ADAMTSL1: variants seen among roughly 807,000 people sequenced by gnomAD.
ADAMTSL1 encodes ADAMTS like 1, also known as ADAMTS-like protein 1.
Under a neutral mutation model 201.8 loss-of-function variants are expected in ADAMTSL1, and 126 were observed. The observed-to-expected ratio is 0.62, with a 90% CI of 0.54 to 0.72. The LOEUF (loss-of-function observed/expected upper bound fraction) is 0.72. Ranked by LOEUF, ADAMTSL1 falls within the 30% of genes least tolerant of loss-of-function variation. ADAMTSL1 has a pLI of 0.00. For synonymous variants in ADAMTSL1, 1,121 were observed against 903.4 expected (o/e 1.24, Z -4.32); for missense variants, 2,679 against 2,277.8 (o/e 1.18, Z -3.59).
At chr9:18,735,942 C>T (rs1482985920) in intron 15 of ADAMTSL1, among the ~76,000 whole-genome samples, 1 of 151,526 alleles carries the variant, frequency 6.6e-6, no homozygotes, top group Non-Finnish European at 1.5e-5. Flanking sequence ...CCCCCCACCT[C>T]CTTCTACCAT....
intron 1 of ADAMTSL1, among the ~76,000 whole-genome samples, chr9:18,149,755 A>G (rs749538995): frequency 2.0e-5 from 3 of 152,062 alleles, no homozygotes; most frequent in Non-Finnish European, 4.4e-5. Context: ...TGAAGAAAGG[A>G]TAAGATTAGA....
intron 2 of ADAMTSL1, among the ~76,000 whole-genome samples, chr9:18,268,658 G>A (rs1254315173): frequency 6.6e-6 from 1 of 152,132 alleles, no homozygotes; most frequent in Non-Finnish European, 1.5e-5. Flanking sequence ...GGGCAGTAGA[G>A]TCCTCTCTAA....
At chr9:18,446,027 C>T (rs1046039820) in intron 2 of ADAMTSL1, among the ~76,000 whole-genome samples, 3 of 152,046 alleles carry the variant, frequency 2.0e-5, no homozygotes, top group African/African-American at 7.2e-5. Context: ...ACAATATAAC[C>T]AGGAAGCGAT....
intron 16 of ADAMTSL1, among the ~76,000 whole-genome samples, chr9:18,765,758 G>A (rs770953702): frequency 6.6e-6 from 1 of 152,186 alleles, no homozygotes; most frequent in Non-Finnish European, 1.5e-5. Flanking sequence ...AGCAACAACA[G>A]AAGCAAAATC....
chr9:18,838,736 G>A (rs1825499895), intron 23 of ADAMTSL1, among the ~76,000 whole-genome samples: 1 of 151,900 alleles, frequency 6.6e-6, no homozygotes, highest in Non-Finnish European at 1.5e-5. Flanking sequence ...AGGCTGAGGT[G>A]TAGTCCTAGC....
At chr9:18,172,312 A>G (rs140628466) in intron 2 of ADAMTSL1, among the ~76,000 whole-genome samples, 3 of 152,112 alleles carry the variant, frequency 2.0e-5, no homozygotes, top group African/African-American at 7.2e-5. Context: ...TCTTAAAAAG[A>G]TGAACAGCCC....
At chr9:18,703,041 C>A (rs151034326) in intron 13 of ADAMTSL1, among the ~76,000 whole-genome samples, 1 of 152,066 alleles carries the variant, frequency 6.6e-6, no homozygotes, top group Non-Finnish European at 1.5e-5. Flanking sequence ...GGATCCCAGG[C>A]GTGAGTGCCC....
intron 2 of ADAMTSL1, among the ~76,000 whole-genome samples, chr9:18,171,545 T>G (rs1827891159): frequency 1.3e-5 from 2 of 152,176 alleles, no homozygotes; most frequent in South Asian, 4.1e-4. Flanking sequence ...AAAAAATATG[T>G]AATATATGAA....
intron 2 of ADAMTSL1, among the ~76,000 whole-genome samples, chr9:18,521,948 C>A (rs1227548174): frequency 3.3e-5 from 5 of 152,142 alleles, no homozygotes; most frequent in Non-Finnish European, 5.9e-5. Flanking sequence ...CTCTTATGCA[C>A]AGACTCCAGT....
intron 1 of ADAMTSL1, among the ~76,000 whole-genome samples, chr9:17,986,312 C>T (rs190781326): frequency 1.3e-5 from 2 of 152,028 alleles, no homozygotes; most frequent in African/African-American, 2.4e-5. Context: ...GAATTCAGTT[C>T]TGGCCCTCTC....
intron 23 of ADAMTSL1, among the ~76,000 whole-genome samples, chr9:18,835,959 A>G (rs527516073): frequency 4.3e-4 from 66 of 152,318 alleles, no homozygotes; most frequent in African/African-American, 1.4e-3. Context: ...TAGTGCTGCA[A>G]TGAACACACA....
chr9:18,590,246 G>A (rs1391238320), intron 4 of ADAMTSL1, among the ~76,000 whole-genome samples: 1 of 151,894 alleles, frequency 6.6e-6, no homozygotes. Context: ...GTTTTCTCCT[G>A]ATATGTTGAA....
rs539337149 is a variant in ADAMTSL1 at position 18,684,091 on chromosome 9, T to G, written c.1490-625T>G. On this transcript the variant is annotated intron_variant, in intron 12 of 28. Coordinates refer to ENST00000380548, the MANE Select transcript of ADAMTSL1 (RefSeq NM_001040272.6). ...TTTTTCCCAGGAAGTAACTAGGAAG[T>G]TTGTTTTGAATTGTTTGGCCAAAGC... 7.9e-5 allele frequency among the ~76,000 whole-genome samples: 12 copies of G among 152,288 alleles called. No homozygotes were observed. In the East Asian group the frequency reaches 2.3e-3, roughly 29 times the overall value.
intron 3 of ADAMTSL1, among the ~76,000 whole-genome samples, chr9:18,550,335 A>C (rs1293470320): frequency 6.6e-6 from 1 of 151,830 alleles, no homozygotes; most frequent in East Asian, 1.9e-4. Flanking sequence ...AATCACACAG[A>C]CTCCTAAAAG....
At chr9:18,709,700 C>T (rs1261611235) in intron 14 of ADAMTSL1, among the ~76,000 whole-genome samples, 1 of 152,158 alleles carries the variant, frequency 6.6e-6, no homozygotes, top group East Asian at 1.9e-4. Context: ...CCAACTGTCA[C>T]TTCCTTGTTA....
intron 2 of ADAMTSL1, among the ~76,000 whole-genome samples, chr9:18,456,139 A>C (rs1053280710): frequency 3.9e-5 from 6 of 152,154 alleles, no homozygotes; most frequent in Non-Finnish European, 7.4e-5. Flanking sequence ...CTTTTCTCAG[A>C]GACCCCATTA....
At chr9:18,803,759 G>T (rs2131098889) in intron 20 of ADAMTSL1, among the ~76,000 whole-genome samples, 1 of 152,144 alleles carries the variant, frequency 6.6e-6, no homozygotes, top group East Asian at 1.9e-4. Flanking sequence ...TCTGTGCTCT[G>T]AATATAGCCT....
chr9:18,218,891 C>T (rs979397528), intron 2 of ADAMTSL1, among the ~76,000 whole-genome samples: 4 of 151,956 alleles, frequency 2.6e-5, no homozygotes, highest in African/African-American at 9.7e-5. Context: ...GTAATTTTCA[C>T]AGTTAGATGT....
intron 16 of ADAMTSL1, among the ~76,000 whole-genome samples, chr9:18,757,299 ATCCTCC>A (rs141290322): frequency 1.5e-4 from 23 of 151,026 alleles, no homozygotes; most frequent in East Asian, 1.4e-3. Flanking sequence ...ACTCATCATC[ATCCTCC>A]TCCTCCTCCT....
Sources: allele counts gnomAD v4.1 joint callset (sites outside exome capture counted in the v4.1 genomes callset), GRCh38; gene constraint gnomAD v4.1.1; transcripts MANE v1.5; gene names NCBI Gene and HGNC (gene_info 2026-07-23, HGNC 2026-07-21).